The following NAE1 variants were observed in gnomAD, a reference collection of about 807,000 sequenced individuals.
NAE1 encodes the protein NEDD8 activating enzyme E1 subunit 1.
A neutral mutation model predicts 88.0 loss-of-function variants in NAE1; 59 were observed. The observed-to-expected ratio is 0.67, with a 90% CI of 0.54 to 0.83. The LOEUF (loss-of-function observed/expected upper bound fraction) is 0.83. Ranked by LOEUF, NAE1 falls within the 40% of genes least tolerant of loss-of-function variation. NAE1 has a pLI of 0.00. For synonymous variants in NAE1, 186 were observed against 208.9 expected (o/e 0.89, Z 0.95); for missense variants, 554 against 632.8 (o/e 0.88, Z 1.34).
chr16:66,811,470 T>C (rs1402675577), intron 13 of NAE1, among the ~76,000 whole-genome samples: 1 of 152,132 alleles, frequency 6.6e-6, no homozygotes, highest in Non-Finnish European at 1.5e-5. Flanking sequence ...AGCATTGCCA[T>C]AGATAAACAT....
chr16:66,826,915 A>AT (rs1188467531), intron 1 of NAE1, 135 bp from the exon 2 acceptor site: 2 of 748,304 alleles, frequency 2.7e-6, no homozygotes, highest in Non-Finnish European at 4.3e-6. Flanking sequence ...ACGGGAACAG[A>AT]TATTAGTATA....
chr16:66,814,592 CA>C (rs34053542), intron 11 of NAE1, among the ~76,000 whole-genome samples: 260 of 113,206 alleles, frequency 2.3e-3, no homozygotes, highest in African/African-American at 3.9e-3. Context: ...GACCCTGTCT[CA>C]AAAAAAAAAA....
In NAE1 at chr16:66,830,165, G is replaced by A. The variant is rs528766155; in HGVS notation, c.53+682C>T. 5.1e-3 allele frequency among the ~76,000 whole-genome samples: 784 copies of A among 152,286 alleles called. 3 individuals carry two copies. Among genetic ancestry groups the A allele is most frequent in the Non-Finnish European group, 7.9e-3 (535 of 68,022 alleles). On this transcript the variant is annotated intron_variant, in intron 1 of 19. Coordinates refer to ENST00000290810, the MANE Select transcript of NAE1 (RefSeq NM_003905.4). ...GCCTCCCAAAGTGCTGGGATTACAG[G>A]CGTGAGCCACCGTGCCGGTCCTCCA...
intron 1 of NAE1, 59 bp downstream of exon 1, chr16:66,830,788 C>A: frequency 2.0e-6 from 3 of 1,476,470 alleles, no homozygotes; most frequent in Non-Finnish European, 2.7e-6. Context: ...GCCCTTAGGC[C>A]CGGCCCGAAT....
chr16:66,812,513 CTTTTTT>C (rs961953416), intron 13 of NAE1, among the ~76,000 whole-genome samples: 1 of 103,678 alleles, frequency 9.6e-6, no homozygotes, highest in African/African-American at 3.8e-5. Flanking sequence ...CCCCTAAGTT[CTTTTTT>C]TTTTTTTTTT....
chr16:66,816,488 T>C (rs1264334497), intron 11 of NAE1, 93 bp downstream of exon 11: 17 of 955,720 alleles, frequency 1.8e-5, no homozygotes, highest in South Asian at 1.7e-4. Flanking sequence ...ATTTAGAAAA[T>C]ATTAACTTAA....
In NAE1 at chr16:66,810,433, G is replaced by C. The variant is rs776521381; in HGVS notation, c.1111-20C>G. The C allele has an allele frequency of 1.9e-6, 3 of 1,589,198 alleles. No individual in the cohort carries two copies. The African/African-American group carries it at 4.1e-5, about 22-fold the overall frequency. On this transcript the variant is annotated intron_variant, in intron 14 of 19. Coordinates refer to ENST00000290810, the MANE Select transcript of NAE1 (RefSeq NM_003905.4). ...TGGTGCCTGTAAAGAGATAAATACA[G>C]ATTCTGTTCCAGTTTAAAAGAGAAG...
At chr16:66,826,037 C>T in intron 3 of NAE1, 1 of 157,058 alleles carries the variant, frequency 6.4e-6, no homozygotes. Flanking sequence ...TACCAGACTT[C>T]AAGTCCCTGA....
In NAE1 at chr16:66,816,674, T is replaced by C; in HGVS notation, c.749-2A>G. 6.3e-7 allele frequency: 1 copy of C among 1,591,658 alleles called. No homozygotes were observed. Among genetic ancestry groups the C allele is most frequent in the Non-Finnish European group, 8.6e-7 (1 of 1,161,088 alleles). On this transcript the variant is annotated splice_acceptor_variant, in intron 10 of 19. Coordinates refer to ENST00000290810, the MANE Select transcript of NAE1 (RefSeq NM_003905.4). LOFTEE classifies it high-confidence loss of function. ...CCCCATTTTCATTTTTTAGAATTCC[T>C]ATTGTAATGGGAAATTGTTAGCAAA...
rs1295991470 is a variant in NAE1, at chr16:66,813,782, G to T, written c.900+5C>A. On this transcript the variant is annotated splice_donor_5th_base_variant and intron_variant, in intron 12 of 19. Transcript: ENST00000290810. ...CAGCAATGTTTTTACTTTTGTTGTT[G>T]TTACCTGTTTGGTGATATTTATGCA... 6.2e-7 allele frequency: 1 copy of T among 1,613,312 alleles called. No homozygotes were observed. Among genetic ancestry groups the T allele is most frequent in the African/African-American group, 1.3e-5 (1 of 74,890 alleles).
In NAE1 at chr16:66,809,084, A is replaced by G. The variant is rs1405529139; in HGVS notation, c.1151-9T>C. 14 of 1,600,018 alleles carry G rather than the reference A, an allele frequency of 8.7e-6. No individual in the cohort carries two copies. Among genetic ancestry groups the G allele is most frequent in the Non-Finnish European group, 1.2e-5 (14 of 1,170,150 alleles). On this transcript the variant is annotated splice_polypyrimidine_tract_variant and intron_variant, in intron 15 of 19. Coordinates refer to ENST00000290810, the MANE Select transcript of NAE1 (RefSeq NM_003905.4). ...AAATGCAGAATTGCTGCCTGAACAG[A>G]GGAAAGATATTCTGGAAGTAATGAC...
chr16:66,813,368 T>C, intron 13 of NAE1, 196 bp downstream of exon 13: 1 of 596,858 alleles, frequency 1.7e-6, no homozygotes, highest in South Asian at 2.4e-5. Context: ...CTCAAACTCC[T>C]GGACTCAAGC....
At chr16:66,803,182 T>C in intron 19 of NAE1, 64 bp from the exon 20 acceptor site, 1 of 1,116,300 alleles carries the variant, frequency 9.0e-7, no homozygotes, top group Non-Finnish European at 1.3e-6. Flanking sequence ...ACATACTCAA[T>C]TCTGTAAAGA....
intron 15 of NAE1, 34 bp downstream of exon 15, chr16:66,810,340 A>G: frequency 1.3e-6 from 2 of 1,539,364 alleles, no homozygotes; most frequent in Non-Finnish European, 1.8e-6. Context: ...ATTTCTATCA[A>G]GCAAAATAAG....
intron 7 of NAE1, among the ~76,000 whole-genome samples, chr16:66,819,494 C>G (rs148725954): frequency 7.2e-4 from 109 of 152,328 alleles, no homozygotes; most frequent in African/African-American, 2.5e-3. Flanking sequence ...TTTAATCTCT[C>G]ATTGCCTCAG....
rs35671399 is a variant in NAE1 at position 66,820,900 on chromosome 16, C to CAAA, written c.511+547_511+549dup. Among the ~76,000 whole-genome samples the CAAA allele has an allele frequency of 3.3e-3, 239 of 73,274 alleles. 5 individuals are homozygous for CAAA. Among genetic ancestry groups the CAAA allele is most frequent in the African/African-American group, 8.8e-3 (197 of 22,364 alleles). The allele number at this position is 73,274 out of a possible 152,430, so 48.1% of individuals were successfully genotyped here. A position where few individuals can be genotyped will look rare whatever the true frequency, so the allele number is the denominator to read the frequency against. On this transcript the variant is annotated intron_variant, in intron 7 of 19. Transcript: ENST00000290810. ...TGAGCAAAAGAGAGAGACTCCGTCT[C>CAAA]AAAAAAAAAAAAAAAAAAATTAGCT...
chr16:66,805,451 C>G (rs1166441682), intron 19 of NAE1, among the ~76,000 whole-genome samples: 4 of 151,148 alleles, frequency 2.6e-5, no homozygotes, highest in African/African-American at 9.8e-5. Context: ...CTAACCTGAG[C>G]AACATAGTGG....
Position 66,823,532 on chromosome 16 carries a change from T to G in NAE1, c.318A>C (p.Glu106Asp). ...AATAATGTGTGTACATATATACCTC[T>G]TCCACAAAACTTCCAGAGACATCGC... ...LNSDVSGSFVEESPENLLDND... is the reference protein window; with the variant it reads ...LNSDVSGSFVDESPENLLDND... Residue 106 changes from glutamate to aspartate, a missense_variant, in exon 5 of 20, where the codon GAA (glutamate) becomes GAC (aspartate). Coordinates refer to ENST00000290810, the MANE Select transcript of NAE1 (RefSeq NM_003905.4). 4 of 1,611,038 alleles carry G rather than the reference T, an allele frequency of 2.5e-6. No homozygotes were observed. The highest frequency in any genetic ancestry group is 3.4e-6 in the Non-Finnish European group (4 of 1,178,422).
At chr16:66,812,513 CTTTTTTTTTTTTTT>C (rs961953416) in intron 13 of NAE1, among the ~76,000 whole-genome samples, 2 of 103,678 alleles carry the variant, frequency 1.9e-5, no homozygotes, top group East Asian at 2.8e-4. Context: ...CCCCTAAGTT[CTTTTTTTTTTTTTT>C]TTTTTTTTTG....
Sources: gnomAD v4.1 joint callset for allele counts (sites outside exome capture counted in the v4.1 genomes callset) on GRCh38, gnomAD v4.1.1 for gene constraint, MANE v1.5 for transcripts, NCBI Gene and HGNC (gene_info 2026-07-23, HGNC 2026-07-21) for gene names.